The following APTX variants were observed in gnomAD, a reference collection of about 807,000 sequenced individuals.
APTX encodes aprataxin, also known as forkhead-associated domain histidine triad-like protein.
APTX carries 33 observed loss-of-function variants against 42.3 expected under a neutral mutation model. The ratio of observed to expected loss-of-function variants is 0.78; its 90% CI spans 0.59 to 1.04. The LOEUF is 1.04. Among genes scored for constraint, APTX ranks in the 50% least tolerant of loss-of-function variants. The pLI is 0.00. For synonymous variants in APTX, 130 were observed against 146.7 expected (o/e 0.89, Z 0.82); for missense variants, 421 against 415.1 (o/e 1.01, Z -0.12).
upstream of APTX, among the ~76,000 whole-genome samples, chr9:33,003,646 G>T (rs868172974): frequency 6.6e-6 from 1 of 151,872 alleles, no homozygotes. Flanking sequence ...AAAAAACTCC[G>T]TATCGATTAA....
intron 1 of APTX, among the ~76,000 whole-genome samples, chr9:33,013,762 C>A (rs1837707015): frequency 6.6e-6 from 1 of 152,208 alleles, no homozygotes; most frequent in African/African-American, 2.4e-5. Context: ...CGAGATTGCG[C>A]CACTGCACTC....
At chr9:32,989,612 C>G (rs1291656109) in intron 2 of APTX, 147 bp downstream of exon 2, 2 of 1,195,928 alleles carry the variant, frequency 1.7e-6, no homozygotes, top group Non-Finnish European at 2.5e-6. Context: ...TAAATAGGGC[C>G]CTGGTGTTGG....
chr9:33,017,202 G>C (rs1837963094), intron 1 of APTX, among the ~76,000 whole-genome samples: 1 of 152,148 alleles, frequency 6.6e-6, no homozygotes. Flanking sequence ...AGTCTCACAA[G>C]ACTACCTCCA....
chr9:32,975,983 T>C (rs60612928), intron 6 of APTX, among the ~76,000 whole-genome samples: 31 of 152,334 alleles, frequency 2.0e-4, no homozygotes, highest in East Asian at 1.9e-3. Flanking sequence ...GGCCTGTAAG[T>C]GTACTCCAAG....
At position 32,973,597 on chromosome 9, in the gene APTX, A is replaced by G. The variant is rs1563943014; in HGVS notation, c.930T>C (p.Pro310=). The G allele has an allele frequency of 6.2e-7, 1 of 1,613,914 alleles. No individual in the cohort carries two copies. The highest frequency in any genetic ancestry group is 8.5e-7 in the Non-Finnish European group (1 of 1,179,996). ...AGRVTVRDGM[P]ELLKLPLRCH... is the part of the protein sequence containing the mutation. ...AACGAAGGGGCAGCTTCAAGAGCTC[A>G]GGCATCCCATCTCGGACAGTTACTC... Residue 310 remains proline (P), a synonymous_variant, in exon 8 of 8, where the codon CCT becomes CCC. Coordinates refer to ENST00000379817, the MANE Select transcript of APTX (RefSeq NM_001195248.2).
intron 6 of APTX, 140 bp from the exon 7 acceptor site, chr9:32,974,701 T>G (rs1828931474): frequency 1.5e-6 from 1 of 649,232 alleles, no homozygotes; most frequent in Non-Finnish European, 2.8e-6. Flanking sequence ...TGATAGTGTG[T>G]CCATTTAATT....
intron 6 of APTX, 74 bp from the exon 7 acceptor site, chr9:32,974,635 G>T: frequency 1.2e-6 from 1 of 827,954 alleles, no homozygotes; most frequent in Non-Finnish European, 2.1e-6. Context: ...CAAAGAGTAT[G>T]AGTACATTGT....
intron 1 of APTX, among the ~76,000 whole-genome samples, chr9:33,007,818 C>A (rs1257203854): frequency 6.6e-6 from 1 of 151,910 alleles, no homozygotes; most frequent in African/African-American, 2.4e-5. Context: ...GGTGAAACAA[C>A]TTTGATGTGT....
chr9:32,976,431 C>T (rs1451830204), intron 6 of APTX, among the ~76,000 whole-genome samples: 1 of 152,088 alleles, frequency 6.6e-6, no homozygotes, highest in African/African-American at 2.4e-5. Context: ...TGTTCAACAA[C>T]CTCACTCACA....
rs104894103 is a variant in APTX at position 32,974,495 on chromosome 9, C to T, written c.837G>A (p.Trp279Ter). Residue 279 changes from tryptophan to a stop codon, truncating the protein, a stop_gained, in exon 7 of 8, where the codon TGG becomes TGA. Coordinates refer to ENST00000379817, the MANE Select transcript of APTX (RefSeq NM_001195248.2). LOFTEE classifies it high-confidence loss of function. ...GGAAGTATTCTGTATTGAAAGAATTCCAATGTTTTTTGTTTTTAAGGCAAG... is the reference window on the plus strand; with the variant it reads ...GGAAGTATTCTGTATTGAAAGAATTTCAATGTTTTTTGTTTTTAAGGCAAG... ...DSPCLKNKKH[W>*]NSFNTEYFLE... 3.7e-4 allele frequency: 594 copies of T among 1,608,946 alleles called. No homozygotes were observed. The highest frequency in any genetic ancestry group is 4.6e-4 in the Non-Finnish European group (542 of 1,175,986).
upstream of APTX, among the ~76,000 whole-genome samples, chr9:33,003,370 A>T (rs1836860113): frequency 6.6e-6 from 1 of 152,172 alleles, no homozygotes; most frequent in Admixed American, 6.5e-5. Flanking sequence ...TAATCACCAG[A>T]ACTTTTTCAT....
chr9:32,989,126 A>G (rs919604799), intron 2 of APTX, among the ~76,000 whole-genome samples: 3 of 152,204 alleles, frequency 2.0e-5, no homozygotes, highest in African/African-American at 7.2e-5. Context: ...CAGCTCAAGC[A>G]TGGCTTTGTA....
At chr9:33,016,555 G>A (rs1837913679) in intron 1 of APTX, among the ~76,000 whole-genome samples, 3 of 152,062 alleles carry the variant, frequency 2.0e-5, no homozygotes, top group East Asian at 3.8e-4. Flanking sequence ...TGTACCTCAC[G>A]ACTTCTTTCG....
intron 1 of APTX, among the ~76,000 whole-genome samples, chr9:33,020,998 A>G (rs1450807967): frequency 9.9e-5 from 15 of 152,084 alleles, no homozygotes; most frequent in South Asian, 4.1e-4. Context: ...GCGTGGTGGA[A>G]CATGCCTGTA....
chr9:33,011,747 C>T (rs1837559365), intron 1 of APTX, among the ~76,000 whole-genome samples: 1 of 152,190 alleles, frequency 6.6e-6, no homozygotes, highest in Admixed American at 6.5e-5. Flanking sequence ...GTTGAGTCAA[C>T]AAGCCAGACA....
chr9:33,023,544 T>C (rs190926286), intron 1 of APTX, among the ~76,000 whole-genome samples: 28 of 152,304 alleles, frequency 1.8e-4, no homozygotes, highest in African/African-American at 6.0e-4. Context: ...ATTTTTGTAT[T>C]ACAAAGCCCT....
At chr9:33,018,349 C>G (rs952649243) in intron 1 of APTX, among the ~76,000 whole-genome samples, 2 of 151,850 alleles carry the variant, frequency 1.3e-5, no homozygotes, top group Admixed American at 6.6e-5. Context: ...GGGCGGATCA[C>G]CTGAGGTCAG....
chr9:33,018,483 G>A (rs1838085765), intron 1 of APTX, among the ~76,000 whole-genome samples: 2 of 148,016 alleles, frequency 1.4e-5, no homozygotes, highest in Non-Finnish European at 3.0e-5. Flanking sequence ...CAAGAGAATC[G>A]CTTGAACCCA....
At chr9:32,974,252 TC>T (rs145981545) in intron 7 of APTX, among the ~76,000 whole-genome samples, 17 of 152,174 alleles carry the variant, frequency 1.1e-4, no homozygotes, top group African/African-American at 4.1e-4. Flanking sequence ...GCTTTCTAGG[TC>T]CCCCAAGAAG....
Sources: gnomAD v4.1 joint callset for allele counts (sites outside exome capture counted in the v4.1 genomes callset) on GRCh38, gnomAD v4.1.1 for gene constraint, MANE v1.5 for transcripts, NCBI Gene and HGNC (gene_info 2026-07-23, HGNC 2026-07-21) for gene names.